NAV2: variants seen among roughly 807,000 people sequenced by gnomAD.
NAV2 encodes the protein helicase, APC down-regulated 1.
In NAV2, 54 loss-of-function variants were observed where a neutral mutation model predicts 223.2. That is an observed-to-expected ratio of 0.24 (90% confidence interval 0.19 to 0.30). NAV2 has a LOEUF of 0.30. Ranked by LOEUF, NAV2 falls within the 10% of genes least tolerant of loss-of-function variation. The probability of loss-of-function intolerance (pLI) is 1.00; values close to 1 mark genes in which losing one functional copy is unlikely to be tolerated. For synonymous variants in NAV2, 1,279 were observed against 1,239.3 expected (o/e 1.03, Z -0.67); for missense variants, 2,806 against 3,147.5 (o/e 0.89, Z 2.60).
chr11:19,616,918 C>A (rs1191979420), intron 1 of NAV2, among the ~76,000 whole-genome samples: 1 of 152,020 alleles, frequency 6.6e-6, no homozygotes, highest in Non-Finnish European at 1.5e-5. Flanking sequence ...TTGCCATGTA[C>A]TCATCATTTA....
intron 11 of NAV2, among the ~76,000 whole-genome samples, chr11:19,985,864 C>G (rs915119608): frequency 5.3e-5 from 8 of 152,162 alleles, no homozygotes; most frequent in Admixed American, 5.2e-4. Flanking sequence ...GCGTGAGCCA[C>G]TGCGCCCGGG....
chr11:19,619,083 T>A (rs1590697342), intron 1 of NAV2, among the ~76,000 whole-genome samples: 1 of 148,638 alleles, frequency 6.7e-6, no homozygotes, highest in East Asian at 2.0e-4. Flanking sequence ...ACAAAGGACA[T>A]GAACTCATCC....
At chr11:19,532,593 C>G (rs372730255) in intron 1 of NAV2, among the ~76,000 whole-genome samples, 2 of 152,096 alleles carry the variant, frequency 1.3e-5, no homozygotes, top group African/African-American at 4.8e-5. Flanking sequence ...TTATGATTCC[C>G]ATTTCACTAA....
rs148096639 is a variant in NAV2 at position 19,928,662 on chromosome 11, C to T, written c.932-4514C>T. Among the ~76,000 whole-genome samples the T allele has an allele frequency of 3.0e-3, 455 of 152,290 alleles. 13 individuals carry two copies. In the South Asian group the frequency reaches 0.061, roughly 21 times the overall value. On this transcript the variant is annotated intron_variant, in intron 6 of 37. Transcript: ENST00000349880. ...AATGTTGACCATACCTTGACCCAGC[C>T]GGTTTTCTCCATCAAGATTGGAAAT...
intron 1 of NAV2, among the ~76,000 whole-genome samples, chr11:19,430,981 C>T (rs1026255826): frequency 2.6e-5 from 4 of 152,164 alleles, no homozygotes; most frequent in Non-Finnish European, 5.9e-5. Flanking sequence ...AGGCTTTAGC[C>T]AAGATTCAGA....
At chr11:19,587,109 T>G (rs2045925957) in intron 1 of NAV2, among the ~76,000 whole-genome samples, 1 of 152,186 alleles carries the variant, frequency 6.6e-6, no homozygotes, top group Non-Finnish European at 1.5e-5. Flanking sequence ...TGCTGCCGCC[T>G]TGCAGTTTGA....
chr11:19,478,841 A>T (rs1055933796), intron 1 of NAV2, among the ~76,000 whole-genome samples: 7 of 152,208 alleles, frequency 4.6e-5, no homozygotes, highest in African/African-American at 1.2e-4. Context: ...TCTGATGCAA[A>T]TACAATGTCT....
rs375861900 is a variant in NAV2 at position 20,092,190 on chromosome 11, C to T, written c.5653-16C>T. Reference sequence around the variant, plus strand: ...ACTTCTGCCTACTAAGGGAGCTTCTCCATTACTCTTTGCAGAGTGAAATAG... The same window carrying T: ...ACTTCTGCCTACTAAGGGAGCTTCTTCATTACTCTTTGCAGAGTGAAATAG... On this transcript the variant is annotated splice_polypyrimidine_tract_variant and intron_variant, in intron 27 of 37. Coordinates refer to ENST00000349880, the MANE Select transcript of NAV2 (RefSeq NM_145117.5). The T allele has an allele frequency of 8.0e-5, 129 of 1,612,018 alleles. No individual in the cohort carries two copies. Among genetic ancestry groups the T allele is most frequent in the Non-Finnish European group, 1.0e-4 (122 of 1,178,374 alleles).
intron 1 of NAV2, chr11:19,505,258 A>G (rs928481040): frequency 2.0e-5 from 3 of 152,192 alleles, no homozygotes; most frequent in African/African-American, 4.8e-5. Context: ...CCATTAGGAC[A>G]TTCTCTGTAG....
rs1332622839 is a variant in NAV2, at chr11:19,949,031, G to A, written c.2596G>A (p.Asp866Asn). 2 of 1,613,764 alleles carry A rather than the reference G, an allele frequency of 1.2e-6. No individual in the cohort carries two copies. Among genetic ancestry groups the A allele is most frequent in the Non-Finnish European group, 1.7e-6 (2 of 1,179,758 alleles). The change falls in exon 10 of 38, where the codon GAC becomes AAC. Residue 866 changes from aspartate to asparagine, a missense_variant. This residue lies in a region of NAV2 where 1,167 missense variants were observed against 1,180.5 expected (regional missense o/e 0.99). Transcript: ENST00000349880. ...ISMDAPGYMS[D>N]GDVLSKNIRT... ...CATGGATGCCCCCGGCTACATGAGCGACGGGGATGTTCTGAGCAAGAACAT... is the reference window on the plus strand; with the variant it reads ...CATGGATGCCCCCGGCTACATGAGCAACGGGGATGTTCTGAGCAAGAACAT...
At chr11:19,506,040 T>C (rs1186112701) in intron 1 of NAV2, 1 of 152,262 alleles carries the variant, frequency 6.6e-6, no homozygotes, top group African/African-American at 2.4e-5. Context: ...CAAGGCAGAC[T>C]GTCATGAAGC....
chr11:19,866,700 G>A (rs1026805355), intron 3 of NAV2, among the ~76,000 whole-genome samples: 1 of 152,168 alleles, frequency 6.6e-6, no homozygotes, highest in African/African-American at 2.4e-5. Context: ...TCTTGAATAT[G>A]TTGGTGGTTG....
In NAV2 at chr11:19,554,791, A is replaced by T. The variant is rs2044815209; in HGVS notation, c.75+203764A>T. On this transcript the variant is annotated intron_variant, in intron 1 of 37. Transcript: ENST00000360655. ...AGACCAGCCTGACCAACATGGAGAA[A>T]CCCCGTCTCTACTAAAAATACAAAA... 2.6e-5 allele frequency among the ~76,000 whole-genome samples: 4 copies of T among 151,740 alleles called. No individual in the cohort carries two copies. In the South Asian group the frequency reaches 8.4e-4, roughly 32 times the overall value.
At chr11:19,522,852 G>A (rs745729922) in intron 1 of NAV2, among the ~76,000 whole-genome samples, 1 of 152,224 alleles carries the variant, frequency 6.6e-6, no homozygotes, top group Non-Finnish European at 1.5e-5. Flanking sequence ...CTGATGGCAT[G>A]GCTGCCTAGA....
chr11:19,862,620 A>G (rs1281577184), intron 3 of NAV2, among the ~76,000 whole-genome samples: 4 of 152,180 alleles, frequency 2.6e-5, no homozygotes, highest in East Asian at 1.9e-4. Context: ...TGTTTCCCTC[A>G]TTTCTGAGGT....
chr11:19,740,076 T>TGC (rs2052663423), intron 1 of NAV2, among the ~76,000 whole-genome samples: 1 of 152,186 alleles, frequency 6.6e-6, no homozygotes, highest in South Asian at 2.1e-4. Context: ...TCCTTTGTAC[T>TGC]GCGCACTTTG....
chr11:19,392,688 C>T (rs1212613457), intron 1 of NAV2, among the ~76,000 whole-genome samples: 1 of 152,140 alleles, frequency 6.6e-6, no homozygotes, highest in East Asian at 1.9e-4. Context: ...AAGGCTGGCC[C>T]ATATAACGGG....
At chr11:19,650,264 T>A (rs1384760064) in intron 1 of NAV2, among the ~76,000 whole-genome samples, 1 of 152,128 alleles carries the variant, frequency 6.6e-6, no homozygotes. Flanking sequence ...GAATGCCATG[T>A]GAAGACATAG....
At chr11:19,841,155 C>A (rs2060491206) in intron 2 of NAV2, among the ~76,000 whole-genome samples, 1 of 152,032 alleles carries the variant, frequency 6.6e-6, no homozygotes, top group African/African-American at 2.4e-5. Flanking sequence ...CCAGGTGGGT[C>A]ATAAACCTTA....
Sources: allele counts gnomAD v4.1 joint callset (sites outside exome capture counted in the v4.1 genomes callset), GRCh38; gene constraint gnomAD v4.1.1; regional missense constraint gnomAD v4.1.1; transcripts MANE v1.5; gene names NCBI Gene and HGNC (gene_info 2026-07-23, HGNC 2026-07-21).